Variants in HLTF observed in about 807,000 individuals in gnomAD.
HLTF encodes DNA-dependent ATPase/E3 ubiquitin-protein ligase HLTF.
In HLTF, 127 loss-of-function variants were observed where a neutral mutation model predicts 129.4. That is an observed-to-expected ratio of 0.98 (90% CI 0.85 to 1.14). The LOEUF (loss-of-function observed/expected upper bound fraction) is 1.14, where lower values mean the gene tolerates loss of function less well. HLTF is among the 50% of genes most tolerant of loss of function. HLTF has a pLI of 0.00. For missense variants in HLTF, 1,139 were observed against 1,187.1 expected (o/e 0.96, Z 0.60); for synonymous variants, 332 against 388.8 (o/e 0.85, Z 1.72).
At position 149,031,599 on chromosome 3, in the gene HLTF, C is replaced by T. The variant is rs761635389; in HGVS notation, c.*621G>A. On this transcript the variant is annotated 3_prime_UTR_variant, in exon 25 of 25. Coordinates refer to ENST00000310053, the MANE Select transcript of HLTF (RefSeq NM_003071.4). ...AAAATGGAAAAAATAGTACTCTTAA[C>T]ATAATCCCTAATTTTTTCATGAACA... 7.2e-5 allele frequency: 11 copies of T among 152,340 alleles called. No individual in the cohort carries two copies. Among genetic ancestry groups the T allele is most frequent in the Non-Finnish European group, 1.3e-4 (9 of 68,006 alleles). The allele number at this position is 152,340 out of a possible 1,614,324, so 9.4% of individuals were successfully genotyped here. A position where few individuals can be genotyped will look rare whatever the true frequency, so the allele number is the denominator to read the frequency against.
Position 149,086,360 on chromosome 3 carries a change from G to A in HLTF, c.-24C>T, listed in dbSNP as rs1437678932. ...ATGGCGCTGAGTGGGATGACAAGAG[G>A]AGCGCCTCGGCTCCCCTGGATCGTT... On this transcript the variant is annotated 5_prime_UTR_variant, in exon 1 of 25. Transcript: ENST00000310053. 6.3e-7 allele frequency: 1 copy of A among 1,579,016 alleles called. No individual in the cohort carries two copies. The highest frequency in any genetic ancestry group is 8.6e-7 in the Non-Finnish European group (1 of 1,162,016).
chr3:149,053,629 C>T (rs2107998743), intron 14 of HLTF, among the ~76,000 whole-genome samples: 1 of 152,298 alleles, frequency 6.6e-6, no homozygotes, highest in South Asian at 2.1e-4. Flanking sequence ...CTAACACAAC[C>T]ATGAATCCCT....
At position 149,074,286 on chromosome 3, in the gene HLTF, T is replaced by C; in HGVS notation, c.458A>G (p.Lys153Arg). 1 of 1,613,730 alleles carries C rather than the reference T, an allele frequency of 6.2e-7. No homozygotes were observed. Among genetic ancestry groups the C allele is most frequent in the African/African-American group, 1.3e-5 (1 of 75,042 alleles). ...TGAAACCGCTTTTCTATTTTCTTCTTTTCCCCAAAAAGTCATATGCAGAGG... is the reference window on the plus strand; with the variant it reads ...TGAAACCGCTTTTCTATTTTCTTCTCTTCCCCAAAAAGTCATATGCAGAGG... Reference protein sequence around the residue: ...TMPLHMTFWGKEENRKAVSDQ... With the variant: ...TMPLHMTFWGREENRKAVSDQ... Residue 153 changes from lysine to arginine, a missense_variant, in exon 4 of 25, where the codon AAA becomes AGA. By Grantham distance (26) the Lys-to-Arg change is conservative (BLOSUM62 2). Transcript: ENST00000310053.
At chr3:149,080,928 C>T (rs9835785) in intron 2 of HLTF, among the ~76,000 whole-genome samples, 113,298 of 152,082 alleles carry the variant, frequency 0.74, 42,661 homozygotes, top group African/African-American at 0.84. Flanking sequence ...AGACCACATG[C>T]ATTATGCAAC....
At chr3:149,052,145 C>T (rs1313111014) in intron 14 of HLTF, 1 of 106,982 alleles carries the variant, frequency 9.3e-6, no homozygotes, top group Non-Finnish European at 1.8e-5. Flanking sequence ...CAGAGCAAGA[C>T]TGTAAAAAAA....
chr3:149,048,128 A>G lies in HLTF; in HGVS notation c.1792T>C (p.Ser598Pro). Residue 598 changes from serine to proline, a missense_variant, in exon 17 of 25, where the codon TCT (serine) becomes CCT (proline). Physicochemically the swap from Ser to Pro is moderately conservative, Grantham distance 74. Coordinates refer to ENST00000310053, the MANE Select transcript of HLTF (RefSeq NM_003071.4). ...TTAAGTTTTAAAAAGGAAAGAAGAG[A>G]CCACAAGTCCTTTAAAGAATTCTGG... The part of the protein sequence containing the change: ...PIQNSLKDLW[S>P]LLSFLKLKPF... 6.2e-7 allele frequency: 1 copy of G among 1,611,886 alleles called. No homozygotes were observed. Among genetic ancestry groups the G allele is most frequent in the Non-Finnish European group, 8.5e-7 (1 of 1,178,926 alleles).
At chr3:149,049,314 C>A (rs1467185536) in intron 15 of HLTF, among the ~76,000 whole-genome samples, 2 of 152,158 alleles carry the variant, frequency 1.3e-5, no homozygotes, top group African/African-American at 4.8e-5. Flanking sequence ...CTGGTCAATA[C>A]ACTGAACTGT....
At chr3:149,066,219 T>A (rs1280324268) in intron 8 of HLTF, among the ~76,000 whole-genome samples, 1 of 152,110 alleles carries the variant, frequency 6.6e-6, no homozygotes, top group African/African-American at 2.4e-5. Flanking sequence ...GCTAATTTTG[T>A]ATTTTCAGTA....
chr3:149,074,366 AAAAG>A lies in HLTF; in HGVS notation c.396-22_396-19del. ...GAACTACCCTATTATATTTGGGAGA[AAAAG>A]AAAGGGAAATCAGAAGCATTACTTT... On this transcript the variant is annotated intron_variant, in intron 3 of 24. Transcript: ENST00000310053. The A allele has an allele frequency of 6.3e-7, 1 of 1,583,484 alleles. No individual in the cohort carries two copies. The highest frequency in any genetic ancestry group is 1.7e-4 in the Middle Eastern group (1 of 5,882).
Position 149,071,597 on chromosome 3 carries a change from T to C in HLTF, c.688A>G (p.Met230Val), listed in dbSNP as rs750295082. 1.9e-6 allele frequency: 3 copies of C among 1,596,214 alleles called. No individual in the cohort carries two copies. The highest frequency in any genetic ancestry group is 2.7e-5 in the African/African-American group (2 of 74,474). Reference sequence around the variant, plus strand: ...TGGTTCAATACCTCAGCTGGTTCCATTTCATGGGTTTTATCATCTTCTTTT... The same window carrying C: ...TGGTTCAATACCTCAGCTGGTTCCACTTCATGGGTTTTATCATCTTCTTTT... The part of the protein sequence containing the change: ...DLKEDDKTHE[M>V]EPAEAIETPL... The change falls in exon 6 of 25, where the codon ATG (methionine) becomes GTG (valine). Residue 230 changes from methionine to valine, a missense_variant. Physicochemically the swap from Met to Val is conservative, Grantham distance 21. Transcript: ENST00000310053.
intron 4 of HLTF, 59 bp from the exon 5 acceptor site, chr3:149,073,381 A>T (rs1055620622): frequency 8.2e-7 from 1 of 1,221,918 alleles, no homozygotes; most frequent in African/African-American, 1.5e-5. Context: ...TTTATCTTTT[A>T]TTAAGTAGCT....
At chr3:149,048,221 T>G in intron 16 of HLTF, 58 bp from the exon 17 acceptor site, 1 of 1,403,260 alleles carries the variant, frequency 7.1e-7, no homozygotes, top group South Asian at 1.4e-5. Flanking sequence ...TAAGAGTATC[T>G]ATTTGGCCCA....
chr3:149,057,509 C>G (rs1717573759), intron 13 of HLTF, among the ~76,000 whole-genome samples: 1 of 152,224 alleles, frequency 6.6e-6, no homozygotes, highest in Admixed American at 6.5e-5. Context: ...TTCATATATA[C>G]TCGTCCTGCA....
intron 3 of HLTF, among the ~76,000 whole-genome samples, chr3:149,075,457 T>A (rs573813732): frequency 9.9e-5 from 15 of 151,756 alleles, no homozygotes; most frequent in Admixed American, 7.2e-4. Flanking sequence ...GCAGGGAGAG[T>A]TGCTTGAACC....
intron 13 of HLTF, chr3:149,059,510 CCTAA>C (rs1717745347): frequency 9.7e-6 from 5 of 514,720 alleles, no homozygotes; most frequent in Non-Finnish European, 1.7e-5. Context: ...ACATTTTGGC[CCTAA>C]CTAAAACAAA....
chr3:149,075,500 C>T (rs114045609), intron 3 of HLTF, among the ~76,000 whole-genome samples: 2,190 of 152,300 alleles, frequency 0.014, 40 homozygotes, highest in African/African-American at 0.05. Context: ...GCCGAGATCA[C>T]ACAACTGCAC....
At chr3:149,085,171 A>G (rs1720245931) in intron 1 of HLTF, among the ~76,000 whole-genome samples, 1 of 152,194 alleles carries the variant, frequency 6.6e-6, no homozygotes, top group South Asian at 2.1e-4. Context: ...AAAATCATCT[A>G]AATTGATATG....
chr3:149,042,431 C>T (rs1278961796), intron 18 of HLTF, 141 bp from the exon 19 acceptor site: 2 of 696,258 alleles, frequency 2.9e-6, no homozygotes, highest in Admixed American at 5.9e-5. Flanking sequence ...AAAAGCAACT[C>T]TAATAAAACC....
At chr3:149,082,875 G>A (rs1719991831) in intron 2 of HLTF, among the ~76,000 whole-genome samples, 1 of 152,006 alleles carries the variant, frequency 6.6e-6, no homozygotes, top group African/African-American at 2.4e-5. Context: ...ACATGCACAT[G>A]CTCACAGAAA....
Sources: gnomAD v4.1 joint callset for allele counts (sites outside exome capture counted in the v4.1 genomes callset) on GRCh38, gnomAD v4.1.1 for gene constraint, MANE v1.5 for transcripts, NCBI Gene and HGNC (gene_info 2026-07-23, HGNC 2026-07-21) for gene names.